The following HHAT variants were observed in gnomAD, a reference collection of about 807,000 sequenced individuals.
HHAT encodes hedgehog acyltransferase.
A neutral mutation model predicts 70.8 loss-of-function variants in HHAT; 47 were observed. The observed-to-expected ratio is 0.66, with a 90% CI of 0.53 to 0.85. HHAT has a LOEUF of 0.85. Ranked by LOEUF, HHAT falls within the 40% of genes least tolerant of loss-of-function variation. HHAT has a pLI of 0.00. For synonymous variants in HHAT, 228 were observed against 247.6 expected, an observed-to-expected ratio of 0.92 and a Z score of 0.74; for missense variants, 609 against 604.8, an observed-to-expected ratio of 1.01 and a Z score of -0.07.
intron 11 of HHAT, among the ~76,000 whole-genome samples, chr1:210,632,091 T>C (rs1347899091): frequency 6.6e-6 from 1 of 152,158 alleles, no homozygotes; most frequent in Non-Finnish European, 1.5e-5. Flanking sequence ...CCTGATCACA[T>C]TAGCTGCTGC....
intron 1 of HHAT, among the ~76,000 whole-genome samples, chr1:210,340,242 GAAAAAAAAAAAA>G (rs57007952): frequency 1.4e-4 from 14 of 99,782 alleles, no homozygotes; most frequent in Non-Finnish European, 2.3e-4. Flanking sequence ...CTCTGTCTCA[GAAAAAAAAAAAA>G]AAAAAAAAAA....
At position 210,353,909 on chromosome 1, in the gene HHAT, G is replaced by A. The variant is rs2087321529; in HGVS notation, c.91+4843G>A. On this transcript the variant is annotated intron_variant, in intron 2 of 11. Coordinates refer to ENST00000261458, the MANE Select transcript of HHAT (RefSeq NM_018194.6). ...TTTATTTCATTGTCATGAGTTGAATGCTTAGCTCATTTACTTTGTAAAGAA... is the reference window on the plus strand; with the variant it reads ...TTTATTTCATTGTCATGAGTTGAATACTTAGCTCATTTACTTTGTAAAGAA... Among the ~76,000 whole-genome samples the A allele has an allele frequency of 2.6e-5, 4 of 152,172 alleles. No homozygotes were observed. In the South Asian group the frequency reaches 8.3e-4, roughly 32 times the overall value.
intron 2 of HHAT, among the ~76,000 whole-genome samples, chr1:210,358,014 T>G (rs1321679877): frequency 7.2e-5 from 11 of 151,896 alleles, no homozygotes; most frequent in Non-Finnish European, 1.5e-5. Context: ...CATAGGAGAG[T>G]GTTGGCTTCC....
At chr1:210,517,402 C>G (rs924386831) in intron 9 of HHAT, among the ~76,000 whole-genome samples, 5 of 152,164 alleles carry the variant, frequency 3.3e-5, no homozygotes, top group Non-Finnish European at 5.9e-5. Flanking sequence ...GTGTGAGCTA[C>G]TGCACCTGGC....
At chr1:210,487,397 G>C (rs959730518) in intron 8 of HHAT, among the ~76,000 whole-genome samples, 1 of 152,160 alleles carries the variant, frequency 6.6e-6, no homozygotes, top group Non-Finnish European at 1.5e-5. Context: ...CTTCTCCGTG[G>C]ACTTCACAGA....
intron 6 of HHAT, among the ~76,000 whole-genome samples, chr1:210,417,854 C>G (rs529240037): frequency 4.6e-5 from 7 of 152,118 alleles, no homozygotes; most frequent in African/African-American, 1.7e-4. Context: ...CTGCCCTCCC[C>G]GCTTGGGTTT....
intron 7 of HHAT, among the ~76,000 whole-genome samples, chr1:210,432,467 A>G (rs1323329498): frequency 1.3e-5 from 2 of 151,960 alleles, no homozygotes; most frequent in Non-Finnish European, 2.9e-5. Flanking sequence ...ATTTTGGCAA[A>G]TGGGAGGTCA....
chr1:210,387,370 C>T, intron 3 of HHAT, 98 bp from the exon 4 acceptor site: 1 of 968,730 alleles, frequency 1.0e-6, no homozygotes, highest in South Asian at 1.4e-5. Context: ...AGAGTTTGGA[C>T]TCACACTGGC....
At chr1:210,390,514 T>C (rs2091390137) in intron 4 of HHAT, among the ~76,000 whole-genome samples, 2 of 152,208 alleles carry the variant, frequency 1.3e-5, no homozygotes, top group Admixed American at 6.5e-5. Flanking sequence ...AGATTTTTTT[T>C]CTTTCAGTAG....
chr1:210,587,384 A>G (rs779912668), intron 9 of HHAT, among the ~76,000 whole-genome samples: 1 of 152,198 alleles, frequency 6.6e-6, no homozygotes, highest in Non-Finnish European at 1.5e-5. Flanking sequence ...CTTATTCGCT[A>G]TCATGAGAAC....
chr1:210,526,136 C>T lies in HHAT; in HGVS notation c.1043+12948C>T, dbSNP rs547051041. Among the ~76,000 whole-genome samples the T allele has an allele frequency of 1.7e-3, 258 of 152,098 alleles. 1 individual carries two copies. Among genetic ancestry groups the T allele is most frequent in the African/African-American group, 5.6e-3 (233 of 41,474 alleles). The stretch of plus-strand genomic sequence containing the variant: ...CTGGTGAGCGTGGTAGTGGTGACAC[C>T]GAGCTTGGAGGGGCAGAGGTTCTGG... On this transcript the variant is annotated intron_variant, in intron 9 of 11. Coordinates refer to ENST00000261458, the MANE Select transcript of HHAT (RefSeq NM_018194.6).
intron 1 of HHAT, among the ~76,000 whole-genome samples, chr1:210,342,067 C>CT (rs2086085309): frequency 6.6e-6 from 1 of 152,074 alleles, no homozygotes; most frequent in South Asian, 2.1e-4. Context: ...TCATCTTCCT[C>CT]TTTTTTCCCC....
chr1:210,504,892 G>T (rs1400638716), intron 8 of HHAT, among the ~76,000 whole-genome samples: 1 of 143,568 alleles, frequency 7.0e-6, no homozygotes, highest in Non-Finnish European at 1.5e-5. Context: ...TCCCGGCGTA[G>T]CTTTTTATTC....
At chr1:210,422,090 G>A (rs1311550819) in intron 7 of HHAT, among the ~76,000 whole-genome samples, 1 of 152,078 alleles carries the variant, frequency 6.6e-6, no homozygotes, top group Non-Finnish European at 1.5e-5. Context: ...TTTAGTTATT[G>A]TGTACATTTG....
intron 10 of HHAT, among the ~76,000 whole-genome samples, chr1:210,595,311 C>A (rs1558238042): frequency 6.6e-6 from 1 of 152,194 alleles, no homozygotes; most frequent in Non-Finnish European, 1.5e-5. Context: ...TTTTTTATGG[C>A]TGCATAGTAT....
chr1:210,659,512 C>G (rs950211514), intron 11 of HHAT, among the ~76,000 whole-genome samples: 3 of 152,308 alleles, frequency 2.0e-5, no homozygotes, highest in Non-Finnish European at 2.9e-5. Context: ...GGTACCATTC[C>G]TTCTGAAACT....
chr1:210,365,038 T>A (rs1306099443), intron 3 of HHAT, among the ~76,000 whole-genome samples: 1 of 152,106 alleles, frequency 6.6e-6, no homozygotes, highest in East Asian at 1.9e-4. Context: ...AGCCCTAGAA[T>A]TTACGGAGGA....
At chr1:210,518,878 T>C (rs972616814) in intron 9 of HHAT, among the ~76,000 whole-genome samples, 1 of 152,146 alleles carries the variant, frequency 6.6e-6, no homozygotes, top group African/African-American at 2.4e-5. Flanking sequence ...AGAGAACAAA[T>C]AGAAAGTTGG....
At chr1:210,610,375 C>G (rs1412883507) in intron 10 of HHAT, among the ~76,000 whole-genome samples, 2 of 152,012 alleles carry the variant, frequency 1.3e-5, no homozygotes, top group African/African-American at 2.4e-5. Flanking sequence ...GCTTGTTTTT[C>G]TCTTGTAGAT....
Sources: gnomAD v4.1 joint callset for allele counts (sites outside exome capture counted in the v4.1 genomes callset) on GRCh38, gnomAD v4.1.1 for gene constraint, MANE v1.5 for transcripts, NCBI Gene and HGNC (gene_info 2026-07-23, HGNC 2026-07-21) for gene names.